Variants in KYNU observed in about 807,000 individuals in gnomAD.
The protein encoded by KYNU is kynureninase.
In KYNU, 54 loss-of-function variants were observed where a neutral mutation model predicts 59.2. The ratio of observed to expected loss-of-function variants is 0.91; its 90% CI spans 0.73 to 1.14. The LOEUF is 1.14. Ranked by LOEUF, KYNU falls within the 50% of genes most tolerant of loss-of-function variation. KYNU has a pLI of 0.00. For missense variants in KYNU, 567 were observed against 554.4 expected, an observed-to-expected ratio of 1.02 and a Z score of -0.23; for synonymous variants, 177 against 192.0, an observed-to-expected ratio of 0.92 and a Z score of 0.65.
intron 2 of KYNU, among the ~76,000 whole-genome samples, chr2:142,907,376 C>T (rs1239594205): frequency 6.6e-6 from 1 of 152,178 alleles, no homozygotes; most frequent in Non-Finnish European, 1.5e-5. Flanking sequence ...AACCTCGGCA[C>T]TTGGTTGTGC....
chr2:142,885,189 A>G (rs1681460728), intron 1 of KYNU, among the ~76,000 whole-genome samples, 160 bp from the exon 2 acceptor site: 1 of 150,566 alleles, frequency 6.6e-6, no homozygotes, highest in Admixed American at 6.6e-5. Context: ...CATATATGAG[A>G]AAAACTCATG....
intron 8 of KYNU, among the ~76,000 whole-genome samples, chr2:142,975,497 C>T (rs1005071296): frequency 6.6e-6 from 1 of 152,178 alleles, no homozygotes; most frequent in Non-Finnish European, 1.5e-5. Flanking sequence ...CCACACTGAG[C>T]TTGTTAACAT....
intron 10 of KYNU, among the ~76,000 whole-genome samples, chr2:142,997,953 T>A (rs1685591239): frequency 6.6e-6 from 1 of 152,212 alleles, no homozygotes; most frequent in South Asian, 2.1e-4. Flanking sequence ...AATCTGAGTA[T>A]CATGCTTCAA....
chr2:142,985,729 G>C (rs1685179279), intron 9 of KYNU, among the ~76,000 whole-genome samples: 1 of 151,838 alleles, frequency 6.6e-6, no homozygotes, highest in African/African-American at 2.4e-5. Flanking sequence ...CCCCGTAAAA[G>C]TAATAGCCAT....
chr2:142,899,149 C>T (rs182487152), intron 2 of KYNU, among the ~76,000 whole-genome samples: 4 of 152,226 alleles, frequency 2.6e-5, no homozygotes, highest in Non-Finnish European at 4.4e-5. Context: ...GTAACAAACA[C>T]GGACCAGAAG....
At chr2:142,959,041 G>A (rs1684256722) in intron 7 of KYNU, among the ~76,000 whole-genome samples, 1 of 151,986 alleles carries the variant, frequency 6.6e-6, no homozygotes, top group South Asian at 2.1e-4. Flanking sequence ...ATATTGGGAT[G>A]CCAATTTTTA....
At chr2:142,992,828 T>C (rs913597439) in intron 10 of KYNU, among the ~76,000 whole-genome samples, 3 of 152,068 alleles carry the variant, frequency 2.0e-5, no homozygotes, top group Non-Finnish European at 2.9e-5. Context: ...GAAAAATAAA[T>C]ATAGGCTATT....
chr2:142,896,191 A>G (rs1681872384), intron 2 of KYNU, among the ~76,000 whole-genome samples: 1 of 152,212 alleles, frequency 6.6e-6, no homozygotes, highest in Non-Finnish European at 1.5e-5. Flanking sequence ...TTTTAACTTT[A>G]TAAGAAACTG....
intron 2 of KYNU, among the ~76,000 whole-genome samples, chr2:142,901,825 C>CT (rs904579527): frequency 4.6e-5 from 7 of 151,964 alleles, no homozygotes; most frequent in Admixed American, 2.0e-4. Context: ...TTTTGAAGTC[C>CT]TTTTTTTACA....
At chr2:142,995,688 A>G (rs1257606005) in intron 10 of KYNU, among the ~76,000 whole-genome samples, 1 of 152,088 alleles carries the variant, frequency 6.6e-6, no homozygotes, top group Non-Finnish European at 1.5e-5. Context: ...TGTACAGTTT[A>G]TGAGCTGAAG....
At chr2:142,939,322 G>A (rs1032632312) in intron 4 of KYNU, among the ~76,000 whole-genome samples, 3 of 152,168 alleles carry the variant, frequency 2.0e-5, no homozygotes, top group African/African-American at 7.2e-5. Flanking sequence ...AACAGATTGA[G>A]TCTGAGAGTG....
chr2:143,041,042 A>T (rs1687027985), intron 13 of KYNU, among the ~76,000 whole-genome samples: 1 of 152,096 alleles, frequency 6.6e-6, no homozygotes, highest in Non-Finnish European at 1.5e-5. Context: ...TGAAGGGTTA[A>T]AAAAGAAAGT....
intron 2 of KYNU, among the ~76,000 whole-genome samples, chr2:142,907,725 C>T (rs1254156083): frequency 6.6e-6 from 1 of 152,182 alleles, no homozygotes; most frequent in East Asian, 1.9e-4. Flanking sequence ...TTGACTATTT[C>T]TTTACCTCCT....
intron 10 of KYNU, among the ~76,000 whole-genome samples, chr2:143,017,019 G>C (rs1299986588): frequency 6.6e-6 from 1 of 152,106 alleles, no homozygotes; most frequent in African/African-American, 2.4e-5. Flanking sequence ...TTCTGTTGCT[G>C]CATTAATTTG....
At chr2:143,021,077 T>C (rs1251550068) in intron 10 of KYNU, among the ~76,000 whole-genome samples, 1 of 152,168 alleles carries the variant, frequency 6.6e-6, no homozygotes, top group Non-Finnish European at 1.5e-5. Flanking sequence ...GAACTACTTG[T>C]TTTTCTTTTC....
intron 8 of KYNU, chr2:142,964,703 G>C (rs1453509263): frequency 1.3e-5 from 2 of 152,102 alleles, no homozygotes; most frequent in Non-Finnish European, 2.9e-5. Flanking sequence ...GATTTCAAGT[G>C]GTCATCAAAG....
chr2:143,017,352 T>G (rs901331973), intron 10 of KYNU, among the ~76,000 whole-genome samples: 2 of 151,696 alleles, frequency 1.3e-5, no homozygotes, highest in African/African-American at 4.8e-5. Context: ...AAAATTACAT[T>G]CCCACCAACA....
intron 10 of KYNU, among the ~76,000 whole-genome samples, chr2:143,012,902 C>T (rs192829796): frequency 2.6e-5 from 4 of 152,302 alleles, no homozygotes; most frequent in African/African-American, 7.2e-5. Context: ...TGTTCTCTAT[C>T]TCTGTATATT....
chr2:142,927,609 A>G (rs1435168681), intron 3 of KYNU, 50 bp from the exon 4 acceptor site: 1 of 1,258,864 alleles, frequency 7.9e-7, no homozygotes, highest in East Asian at 2.3e-5. Flanking sequence ...AAATAATCAC[A>G]CACATGCACA....
Sources: gnomAD v4.1 joint callset for allele counts (sites outside exome capture counted in the v4.1 genomes callset) on GRCh38, gnomAD v4.1.1 for gene constraint, MANE v1.5 for transcripts, NCBI Gene and HGNC (gene_info 2026-07-23, HGNC 2026-07-21) for gene names.